TAF3: variants seen among roughly 807,000 people sequenced by gnomAD.
TAF3 encodes the protein TATA-box binding protein associated factor 3.
TAF3 carries 7 observed loss-of-function variants against 80.6 expected under a neutral mutation model. That is an observed-to-expected ratio of 0.09 (90% CI 0.05 to 0.16). The LOEUF is 0.16. TAF3 is among the 10% of genes least tolerant of loss of function. The pLI is 1.00. For synonymous variants in TAF3, 444 were observed against 446.1 expected, an observed-to-expected ratio of 1.00 and a Z score of 0.06; for missense variants, 921 against 1,140.2, an observed-to-expected ratio of 0.81 and a Z score of 2.77.
intron 2 of TAF3, among the ~76,000 whole-genome samples, chr10:7,893,113 C>G (rs901731398): frequency 9.9e-5 from 15 of 152,176 alleles, no homozygotes; most frequent in African/African-American, 3.6e-4. Context: ...AGCCACCGTG[C>G]CCAGCTTCAA....
intron 2 of TAF3, among the ~76,000 whole-genome samples, chr10:7,938,336 C>T (rs1013537558): frequency 2.6e-5 from 4 of 151,980 alleles, no homozygotes; most frequent in African/African-American, 9.7e-5. Context: ...GAGGTGGACT[C>T]TTGATGGTTA....
intron 2 of TAF3, among the ~76,000 whole-genome samples, chr10:7,866,429 T>C (rs973553595): frequency 6.6e-6 from 1 of 152,190 alleles, no homozygotes; most frequent in African/African-American, 2.4e-5. Flanking sequence ...AAGGGAGCAC[T>C]TAAGCTGATA....
intron 2 of TAF3, among the ~76,000 whole-genome samples, chr10:7,840,281 T>A (rs775924873): frequency 3.3e-5 from 5 of 151,810 alleles, no homozygotes; most frequent in Non-Finnish European, 5.9e-5. Context: ...GCCTCCTGAA[T>A]AGCTCTGACT....
At chr10:7,822,876 G>GA (rs974907650) in intron 1 of TAF3, among the ~76,000 whole-genome samples, 13 of 152,172 alleles carry the variant, frequency 8.5e-5, no homozygotes, top group African/African-American at 2.2e-4. Context: ...CTTTTGTAAA[G>GA]AAAAAAATCT....
intron 2 of TAF3, among the ~76,000 whole-genome samples, chr10:7,866,819 T>A (rs1234778811): frequency 1.3e-5 from 2 of 152,104 alleles, no homozygotes; most frequent in Non-Finnish European, 2.9e-5. Context: ...AAAGCTTAGG[T>A]TGAAAACAAA....
intron 2 of TAF3, among the ~76,000 whole-genome samples, chr10:7,956,460 CT>C (rs544750872): frequency 6.6e-6 from 1 of 152,106 alleles, no homozygotes; most frequent in South Asian, 2.1e-4. Context: ...GCACTCCAGC[CT>C]GGGCAACAGA....
At chr10:7,923,230 A>G (rs1484605471) in intron 2 of TAF3, among the ~76,000 whole-genome samples, 3 of 152,068 alleles carry the variant, frequency 2.0e-5, no homozygotes, top group Non-Finnish European at 1.5e-5. Flanking sequence ...GTCTCATTCA[A>G]CTTAGTGTTT....
chr10:7,838,989 C>T (rs1022644710), intron 2 of TAF3, among the ~76,000 whole-genome samples: 2 of 142,516 alleles, frequency 1.4e-5, no homozygotes, highest in Admixed American at 7.7e-5. Context: ...CAGCTGAAAT[C>T]GTACCAAGGG....
chr10:7,854,138 A>G (rs1193942719), intron 2 of TAF3, among the ~76,000 whole-genome samples: 5 of 152,186 alleles, frequency 3.3e-5, no homozygotes, highest in Admixed American at 1.3e-4. Context: ...AAATGATTCA[A>G]CCCCTTGAAT....
intron 1 of TAF3, among the ~76,000 whole-genome samples, chr10:7,819,303 C>G (rs1836666135): frequency 6.6e-6 from 1 of 152,234 alleles, no homozygotes; most frequent in East Asian, 1.9e-4. Flanking sequence ...CCGGCCGTTT[C>G]TTACAAGACT....
chr10:7,953,253 A>C (rs1838101856), intron 2 of TAF3, among the ~76,000 whole-genome samples: 1 of 152,250 alleles, frequency 6.6e-6, no homozygotes, highest in Non-Finnish European at 1.5e-5. Context: ...GGTCTTAAAA[A>C]TATTTTCACA....
chr10:7,979,556 T>C (rs1831705795), intron 4 of TAF3, among the ~76,000 whole-genome samples: 1 of 152,286 alleles, frequency 6.6e-6, no homozygotes, highest in Non-Finnish European at 1.5e-5. Context: ...CCAGGTATTC[T>C]AGACAAATTG....
rs1287122284 is a variant in TAF3 at position 7,843,841 on chromosome 10, C to G, written c.409+19281C>G. 2.0e-5 allele frequency among the ~76,000 whole-genome samples: 3 copies of G among 151,930 alleles called. No individual in the cohort carries two copies. In the South Asian group the frequency reaches 6.2e-4, roughly 31 times the overall value. Reference sequence around the variant, plus strand: ...TGAAAATATAATGGTTAAATACACTCTTGTTAGTTAAATTTTATCATCCAT... The same window carrying G: ...TGAAAATATAATGGTTAAATACACTGTTGTTAGTTAAATTTTATCATCCAT... On this transcript the variant is annotated intron_variant, in intron 2 of 6. Coordinates refer to ENST00000344293, the MANE Select transcript of TAF3 (RefSeq NM_031923.4).
At chr10:7,897,333 C>A (rs1837514365) in intron 2 of TAF3, among the ~76,000 whole-genome samples, 1 of 152,188 alleles carries the variant, frequency 6.6e-6, no homozygotes, top group Non-Finnish European at 1.5e-5. Flanking sequence ...TTGATATTTA[C>A]TTTCCAGTAG....
At chr10:7,970,611 A>C (rs1245438075) in intron 3 of TAF3, among the ~76,000 whole-genome samples, 1 of 152,164 alleles carries the variant, frequency 6.6e-6, no homozygotes, top group Non-Finnish European at 1.5e-5. Context: ...TCATGATTTT[A>C]TAAAATGTTA....
At chr10:7,943,841 A>G (rs1054462556) in intron 2 of TAF3, among the ~76,000 whole-genome samples, 3 of 152,192 alleles carry the variant, frequency 2.0e-5, no homozygotes, top group Non-Finnish European at 4.4e-5. Flanking sequence ...TCCATCTATT[A>G]CCACAGATAG....
chr10:7,971,677 C>T (rs1017642210), intron 3 of TAF3, among the ~76,000 whole-genome samples: 1 of 152,074 alleles, frequency 6.6e-6, no homozygotes, highest in Non-Finnish European at 1.5e-5. Flanking sequence ...TGCTTCAAGT[C>T]AGGATTTTAA....
intron 2 of TAF3, among the ~76,000 whole-genome samples, chr10:7,856,481 A>C (rs925529012): frequency 1.3e-5 from 2 of 152,208 alleles, no homozygotes; most frequent in African/African-American, 4.8e-5. Flanking sequence ...ACTTCATCTC[A>C]AAATAAATAA....
chr10:7,877,370 C>A (rs1178050598), intron 2 of TAF3, among the ~76,000 whole-genome samples: 2 of 152,040 alleles, frequency 1.3e-5, no homozygotes, highest in African/African-American at 4.8e-5. Flanking sequence ...ATAATAATTT[C>A]TCAATATTTT....
Sources: gnomAD v4.1 joint callset for allele counts (sites outside exome capture counted in the v4.1 genomes callset) on GRCh38, gnomAD v4.1.1 for gene constraint, MANE v1.5 for transcripts, NCBI Gene and HGNC (gene_info 2026-07-23, HGNC 2026-07-21) for gene names.